Variants in LDB2 observed in about 807,000 individuals in gnomAD.
The protein encoded by LDB2 is LIM domain-binding protein 2.
LDB2 carries 12 observed loss-of-function variants against 44.3 expected under a neutral mutation model. The observed-to-expected ratio is 0.27, with a 90% CI of 0.17 to 0.44. The LOEUF (loss-of-function observed/expected upper bound fraction) is 0.44. LDB2 is among the 20% of genes least tolerant of loss of function. The pLI is 1.00. For synonymous variants in LDB2, 164 were observed against 174.8 expected (o/e 0.94, Z 0.49); for missense variants, 344 against 473.5 (o/e 0.73, Z 2.54).
chr4:16,548,435 A>G (rs931438889), intron 5 of LDB2, among the ~76,000 whole-genome samples: 4 of 152,126 alleles, frequency 2.6e-5, no homozygotes, highest in African/African-American at 9.7e-5. Context: ...CTTAGCTTTG[A>G]TACAGCCTCT....
chr4:16,562,858 C>T (rs1033045163), intron 5 of LDB2, among the ~76,000 whole-genome samples: 21 of 152,206 alleles, frequency 1.4e-4, no homozygotes, highest in Non-Finnish European at 2.4e-4. Flanking sequence ...AAATGTGGCA[C>T]ATATACACCA....
chr4:16,781,705 GC>G (rs1773269691), intron 1 of LDB2, among the ~76,000 whole-genome samples: 1 of 152,158 alleles, frequency 6.6e-6, no homozygotes, highest in Non-Finnish European at 1.5e-5. Context: ...GGTGTCACCT[GC>G]CCCCTCCCCT....
chr4:16,596,507 C>A (rs892670194), intron 2 of LDB2, among the ~76,000 whole-genome samples: 23 of 152,114 alleles, frequency 1.5e-4, no homozygotes, highest in Admixed American at 1.3e-4. Context: ...AACTGCATGT[C>A]TATAAACACC....
intron 2 of LDB2, among the ~76,000 whole-genome samples, chr4:16,623,374 G>C (rs1729406869): frequency 6.6e-6 from 1 of 152,160 alleles, no homozygotes; most frequent in East Asian, 1.9e-4. Context: ...GAGGCGGGCG[G>C]ATTACCTGAG....
chr4:16,707,341 C>G (rs1462591082), intron 2 of LDB2, among the ~76,000 whole-genome samples: 1 of 151,942 alleles, frequency 6.6e-6, no homozygotes, highest in Non-Finnish European at 1.5e-5. Context: ...TGTGCTCTAA[C>G]CTTTAGAGCA....
intron 1 of LDB2, among the ~76,000 whole-genome samples, chr4:16,810,337 C>T (rs982641925): frequency 3.9e-5 from 6 of 152,202 alleles, no homozygotes; most frequent in African/African-American, 1.2e-4. Flanking sequence ...CAATCTCAAA[C>T]TCTACCTCAT....
At chr4:16,721,566 T>C (rs1055078987) in intron 2 of LDB2, among the ~76,000 whole-genome samples, 6 of 152,078 alleles carry the variant, frequency 3.9e-5, no homozygotes, top group African/African-American at 1.2e-4. Context: ...ATTCAGATCA[T>C]CCAACAAAAA....
intron 2 of LDB2, among the ~76,000 whole-genome samples, chr4:16,754,200 CACTT>C (rs769249288): frequency 2.0e-5 from 3 of 152,216 alleles, no homozygotes; most frequent in Non-Finnish European, 4.4e-5. Context: ...TCCTGCTCAC[CACTT>C]ACTAGAAGCG....
chr4:16,681,095 A>G (rs771693131), intron 2 of LDB2, among the ~76,000 whole-genome samples: 3 of 152,220 alleles, frequency 2.0e-5, no homozygotes, highest in Non-Finnish European at 2.9e-5. Context: ...CAGTCCTCAA[A>G]ATATGGAAAT....
chr4:16,812,631 ATGTGTGTGTGTGTGTG>A (rs5856389), intron 1 of LDB2, among the ~76,000 whole-genome samples: 1 of 126,024 alleles, frequency 7.9e-6, no homozygotes. Context: ...TATTAAATAT[ATGTGTGTGTGTGTGTG>A]TGTGTGTGTG....
intron 5 of LDB2, among the ~76,000 whole-genome samples, chr4:16,520,960 T>C (rs1254796454): frequency 1.3e-5 from 2 of 152,208 alleles, no homozygotes; most frequent in Non-Finnish European, 2.9e-5. Flanking sequence ...CCTTCCACAA[T>C]GCTTGGGTTA....
intron 2 of LDB2, among the ~76,000 whole-genome samples, chr4:16,612,660 T>C (rs1382621465): frequency 1.3e-5 from 2 of 152,212 alleles, no homozygotes; most frequent in Non-Finnish European, 2.9e-5. Flanking sequence ...CAGGAAGAAG[T>C]TGAATCCCTG....
At chr4:16,816,681 G>T (rs1247368549) in intron 1 of LDB2, among the ~76,000 whole-genome samples, 4 of 152,004 alleles carry the variant, frequency 2.6e-5, no homozygotes, top group South Asian at 2.1e-4. Context: ...AAAGTGCTGG[G>T]ATTACAGGTG....
At chr4:16,888,745 C>T (rs1165934487) in intron 1 of LDB2, 7 of 981,100 alleles carry the variant, frequency 7.1e-6, no homozygotes, top group South Asian at 4.7e-5. Context: ...TCATAGTTCC[C>T]AATGATGTGG....
At chr4:16,594,781 G>A (rs567289358) in intron 3 of LDB2, among the ~76,000 whole-genome samples, 25 of 152,146 alleles carry the variant, frequency 1.6e-4, no homozygotes, top group Admixed American at 5.9e-4. Flanking sequence ...TAAAGAGAGC[G>A]TTGTCATTTG....
intron 1 of LDB2, among the ~76,000 whole-genome samples, chr4:16,810,861 T>C (rs1246731295): frequency 6.6e-6 from 1 of 152,346 alleles, no homozygotes; most frequent in African/African-American, 2.4e-5. Flanking sequence ...TTCAGTCTAC[T>C]CATTCTTAGT....
intron 2 of LDB2, among the ~76,000 whole-genome samples, chr4:16,666,304 C>G (rs988813353): frequency 2.6e-5 from 4 of 152,124 alleles, no homozygotes; most frequent in African/African-American, 4.8e-5. Flanking sequence ...GTTGAAGCCT[C>G]GCCAAGCTAG....
rs375362437 is a variant in LDB2, at chr4:16,605,369, T to C, written c.236-9494A>G. ...TACTTGGAGTTAGGGTGCAATAAAA[T>C]GGAACACTTTTTGTTTTTGATCAAC... On this transcript the variant is annotated intron_variant, in intron 2 of 7. Coordinates refer to ENST00000304523, the MANE Select transcript of LDB2 (RefSeq NM_001290.5). Among the ~76,000 whole-genome samples the C allele has an allele frequency of 2.0e-5, 3 of 152,208 alleles. No individual in the cohort carries two copies. The South Asian group carries it at 6.2e-4, about 31-fold the overall frequency.
chr4:16,641,890 A>G (rs1235239761), intron 2 of LDB2, among the ~76,000 whole-genome samples: 1 of 152,212 alleles, frequency 6.6e-6, no homozygotes, highest in Non-Finnish European at 1.5e-5. Context: ...CTGCCTTAAT[A>G]TGAAAGAACA....
Sources: allele counts gnomAD v4.1 joint callset (sites outside exome capture counted in the v4.1 genomes callset), GRCh38; gene constraint gnomAD v4.1.1; transcripts MANE v1.5; gene names NCBI Gene and HGNC (gene_info 2026-07-23, HGNC 2026-07-21).